NRXN3: variants seen among roughly 807,000 people sequenced by gnomAD.
NRXN3 encodes neurexin III.
A neutral mutation model predicts 137.6 loss-of-function variants in NRXN3; 32 were observed. The observed-to-expected ratio is 0.23, with a 90% CI of 0.18 to 0.31. The LOEUF is 0.31. Ranked by LOEUF, NRXN3 falls within the 10% of genes least tolerant of loss-of-function variation. The pLI, the probability that NRXN3 is intolerant of heterozygous loss-of-function variation, is 1.00. For synonymous variants in NRXN3, 798 were observed against 784.5 expected (o/e 1.02, Z -0.29); for missense variants, 1,574 against 2,062.5 (o/e 0.76, Z 4.59).
chr14:78,540,435 C>CTTTTTTTTTT (rs537566835), intron 4 of NRXN3, among the ~76,000 whole-genome samples: 1 of 116,610 alleles, frequency 8.6e-6, no homozygotes, highest in Non-Finnish European at 1.7e-5. Flanking sequence ...GCAACCCCTG[C>CTTTTTTTTTT]TTTTTTTTTT....
At chr14:79,454,144 C>T (rs1273931617) in intron 15 of NRXN3, among the ~76,000 whole-genome samples, 1 of 151,822 alleles carries the variant, frequency 6.6e-6, no homozygotes, top group South Asian at 2.1e-4. Flanking sequence ...AGTGCAGTGG[C>T]GTGATCTCGG....
intron 16 of NRXN3, among the ~76,000 whole-genome samples, chr14:79,519,314 A>T (rs1601566196): frequency 6.6e-6 from 1 of 151,968 alleles, no homozygotes; most frequent in East Asian, 1.9e-4. Context: ...CTTTTTCATG[A>T]TGAGATAATC....
At chr14:78,264,883 C>T (rs890676378) in intron 2 of NRXN3, among the ~76,000 whole-genome samples, 1 of 152,180 alleles carries the variant, frequency 6.6e-6, no homozygotes, top group Non-Finnish European at 1.5e-5. Flanking sequence ...GGGCTTCCCT[C>T]TCTCGTCTTT....
chr14:79,835,265 A>G (rs1322207296), intron 20 of NRXN3, among the ~76,000 whole-genome samples: 3 of 152,170 alleles, frequency 2.0e-5, no homozygotes, highest in Admixed American at 2.0e-4. Context: ...TATACATTTC[A>G]AAACATTATG....
intron 16 of NRXN3, among the ~76,000 whole-genome samples, chr14:79,630,050 A>G (rs1410927727): frequency 2.0e-5 from 3 of 152,222 alleles, no homozygotes; most frequent in East Asian, 3.9e-4. Flanking sequence ...CTGTGGAAAC[A>G]TAATAACACA....
chr14:79,322,513 G>A (rs1429913904), intron 15 of NRXN3, among the ~76,000 whole-genome samples: 1 of 152,036 alleles, frequency 6.6e-6, no homozygotes, highest in African/African-American at 2.4e-5. Context: ...AGAACCTATG[G>A]CATGAAGTTA....
chr14:79,091,573 G>A (rs1052266295), intron 15 of NRXN3, among the ~76,000 whole-genome samples: 1 of 152,046 alleles, frequency 6.6e-6, no homozygotes, highest in Non-Finnish European at 1.5e-5. Context: ...CTTTGTCCCA[G>A]GTGTTCCTGC....
chr14:78,479,276 A>G (rs1355808550), intron 4 of NRXN3, among the ~76,000 whole-genome samples: 1 of 152,216 alleles, frequency 6.6e-6, no homozygotes, highest in Admixed American at 6.5e-5. Flanking sequence ...AGGTTATTCT[A>G]ATGTTCTGCA....
chr14:78,837,078 G>A (rs2098999171), intron 10 of NRXN3, among the ~76,000 whole-genome samples: 1 of 152,200 alleles, frequency 6.6e-6, no homozygotes. Context: ...TTGCCTGGGA[G>A]TTGGGCGGAG....
intron 10 of NRXN3, among the ~76,000 whole-genome samples, chr14:78,840,157 G>A (rs368201329): frequency 3.7e-4 from 57 of 152,238 alleles, no homozygotes; most frequent in African/African-American, 1.3e-3. Flanking sequence ...AATTAAGTAG[G>A]AATGGACATA....
intron 1 of NRXN3, among the ~76,000 whole-genome samples, chr14:78,227,511 G>A (rs774953815): frequency 1.3e-5 from 2 of 152,162 alleles, no homozygotes; most frequent in African/African-American, 4.8e-5. Context: ...GTTTCTGTGC[G>A]TATTGCCTGT....
intron 15 of NRXN3, among the ~76,000 whole-genome samples, chr14:79,275,867 TG>T (rs200396877): frequency 5.3e-5 from 8 of 152,058 alleles, no homozygotes; most frequent in Non-Finnish European, 7.4e-5. Flanking sequence ...TAGGATTCCG[TG>T]GGGGGTTTAT....
At chr14:78,726,765 C>T (rs1457348000) in intron 8 of NRXN3, among the ~76,000 whole-genome samples, 1 of 151,802 alleles carries the variant, frequency 6.6e-6, no homozygotes, top group Non-Finnish European at 1.5e-5. Context: ...ACAGTCTGCC[C>T]ACCTCGGCCT....
chr14:79,606,204 T>TTCC (rs1378241634), intron 16 of NRXN3, among the ~76,000 whole-genome samples: 1 of 152,318 alleles, frequency 6.6e-6, no homozygotes, highest in South Asian at 2.1e-4. Flanking sequence ...TCTCTTCTTC[T>TTCC]TCCTCAGTGG....
intron 15 of NRXN3, among the ~76,000 whole-genome samples, chr14:79,136,770 G>T (rs1050926172): frequency 6.6e-6 from 1 of 152,176 alleles, no homozygotes; most frequent in Non-Finnish European, 1.5e-5. Flanking sequence ...GGCAAGAATA[G>T]AAAAGGAATT....
intron 15 of NRXN3, among the ~76,000 whole-genome samples, chr14:79,461,298 G>A (rs2096336502): frequency 6.6e-6 from 1 of 152,128 alleles, no homozygotes; most frequent in Admixed American, 6.5e-5. Flanking sequence ...ATCTCCTTGA[G>A]CATCAATTTT....
intron 18 of NRXN3, among the ~76,000 whole-genome samples, chr14:79,693,940 G>A (rs990346898): frequency 6.6e-6 from 1 of 151,898 alleles, no homozygotes; most frequent in African/African-American, 2.4e-5. Context: ...TAATTTGGGT[G>A]AGTAACATCT....
chr14:79,154,757 A>C (rs937878141), intron 15 of NRXN3, among the ~76,000 whole-genome samples: 2 of 151,938 alleles, frequency 1.3e-5, no homozygotes, highest in Non-Finnish European at 2.9e-5. Context: ...TACAGAACAC[A>C]ATATAGACTA....
At chr14:79,187,737 A>G (rs1017837349) in intron 15 of NRXN3, among the ~76,000 whole-genome samples, 1 of 152,238 alleles carries the variant, frequency 6.6e-6, no homozygotes, top group African/African-American at 2.4e-5. Flanking sequence ...GCATCACACT[A>G]GATTTTACGG....
Sources: gnomAD v4.1 joint callset for allele counts (sites outside exome capture counted in the v4.1 genomes callset) on GRCh38, gnomAD v4.1.1 for gene constraint, MANE v1.5 for transcripts, NCBI Gene and HGNC (gene_info 2026-07-23, HGNC 2026-07-21) for gene names.